The following ATP2B4 variants were observed in gnomAD, a reference collection of about 807,000 sequenced individuals.
ATP2B4 encodes ATPase plasma membrane Ca2+ transporting 4.
A neutral mutation model predicts 110.3 loss-of-function variants in ATP2B4; 39 were observed. The ratio of observed to expected loss-of-function variants is 0.35; its 90% CI spans 0.27 to 0.46. The LOEUF (loss-of-function observed/expected upper bound fraction) is 0.46, where lower values mean the gene tolerates loss of function less well. Among genes scored for constraint, ATP2B4 ranks in the 20% least tolerant of loss-of-function variants. The pLI is 1.00. For synonymous variants in ATP2B4, 538 were observed against 571.7 expected (o/e 0.94, Z 0.84); for missense variants, 1,135 against 1,530.9 (o/e 0.74, Z 4.32).
At chr1:203,699,874 G>T (rs1304809790) in intron 4 of ATP2B4, among the ~76,000 whole-genome samples, 157 bp downstream of exon 4, 5 of 152,196 alleles carry the variant, frequency 3.3e-5, no homozygotes, top group Admixed American at 3.3e-4. Context: ...GTTGTGGGAA[G>T]CCATTTCAGA....
intron 20 of ATP2B4, among the ~76,000 whole-genome samples, chr1:203,731,877 AG>A (rs1571777702): frequency 7.6e-6 from 1 of 131,414 alleles, no homozygotes; most frequent in Non-Finnish European, 1.6e-5. Context: ...AAAAGGAAGG[AG>A]GGAGGAAGGA....
chr1:203,723,667 A>G (rs560183285), intron 18 of ATP2B4, among the ~76,000 whole-genome samples: 1 of 152,156 alleles, frequency 6.6e-6, no homozygotes, highest in East Asian at 1.9e-4. Flanking sequence ...AGTCACAGTA[A>G]CTATGTCTGT....
At position 203,739,631 on chromosome 1, in the gene ATP2B4, C is replaced by A. The variant is rs774001543; in HGVS notation, c.3395C>A (p.Thr1132Asn). ...CAAAAGTCCATCCACAGCTTCATGA[C>A]CCACCCTGAATTCGCCATAGAGGAG... is the stretch of plus-strand genomic sequence containing the variant. ...YNQKSIHSFM[T>N]HPEFAIEEEL... Residue 1132 changes from threonine to asparagine, a missense_variant, in exon 21 of 21, where the codon ACC becomes AAC. Coordinates refer to ENST00000357681, the MANE Select transcript of ATP2B4 (RefSeq NM_001684.5). The A allele has an allele frequency of 4.0e-5, 64 of 1,614,024 alleles. No individual in the cohort carries two copies. Among genetic ancestry groups the A allele is most frequent in the Non-Finnish European group, 5.3e-5 (63 of 1,180,044 alleles).
rs1389918530 is a variant in ATP2B4 at position 203,707,998 on chromosome 1, G to C, written c.1451G>C (p.Gly484Ala). ...RMTVVQAYIG[G>A]IHYRQIPSPD... The stretch of plus-strand genomic sequence containing the variant: ...ACTGTGGTACAAGCTTATATTGGGG[G>C]CATCCATTACCGTCAAATCCCAAGC... Residue 484 changes from glycine to alanine, a missense_variant, in exon 10 of 21, where the codon GGC (glycine) becomes GCC (alanine). Physicochemically the swap from Gly to Ala is moderately conservative, Grantham distance 60. Transcript: ENST00000357681. The C allele has an allele frequency of 1.2e-6, 2 of 1,614,064 alleles. No individual in the cohort carries two copies. Among genetic ancestry groups the C allele is most frequent in the Non-Finnish European group, 1.7e-6 (2 of 1,180,058 alleles).
chr1:203,662,634 T>TG, intron 1 of ATP2B4, among the ~76,000 whole-genome samples: 1 of 152,360 alleles, frequency 6.6e-6, no homozygotes, highest in East Asian at 1.9e-4. Context: ...TGTGGCAGCA[T>TG]GTGTCAGAAC....
rs1299261462 is a variant in ATP2B4, at chr1:203,723,456, CT to C, written c.3025-424del. Among the ~76,000 whole-genome samples, 1,141 of 139,304 alleles carry C rather than the reference CT, an allele frequency of 8.2e-3. 58 individuals carry two copies. The highest frequency in any genetic ancestry group is 0.031 in the African/African-American group (1,098 of 35,314). 91.4% of individuals were successfully genotyped at this position (139,304 alleles called of 152,430 possible). A position where few individuals can be genotyped will look rare whatever the true frequency, so the allele number is the denominator to read the frequency against. On this transcript the variant is annotated intron_variant, in intron 18 of 20. Transcript: ENST00000357681. Reference sequence around the variant, plus strand: ...TCTCTCTCTCTCTCTCTCTCTCTCTCTCTCCCTCTGCCTCTCTCTCTCTCTC... The same window carrying C: ...TCTCTCTCTCTCTCTCTCTCTCTCTCCTCCCTCTGCCTCTCTCTCTCTCTC...
At chr1:203,736,637 G>A (rs531663634) in intron 20 of ATP2B4, among the ~76,000 whole-genome samples, 1 of 152,252 alleles carries the variant, frequency 6.6e-6, no homozygotes, top group Non-Finnish European at 1.5e-5. Flanking sequence ...GGCCCCAAAA[G>A]AGACATTTCC....
At chr1:203,650,261 C>A (rs1346195760) in intron 1 of ATP2B4, among the ~76,000 whole-genome samples, 1 of 152,144 alleles carries the variant, frequency 6.6e-6, no homozygotes, top group African/African-American at 2.4e-5. Context: ...GTCGGCTGAG[C>A]CACTGAAGCC....
intron 2 of ATP2B4, among the ~76,000 whole-genome samples, chr1:203,690,528 T>C (rs16852146): frequency 0.012 from 1,885 of 152,222 alleles, 47 homozygotes; most frequent in African/African-American, 0.043. Flanking sequence ...TGAGTGAAGA[T>C]GGGATGGAAC....
rs556695659 is a variant in ATP2B4, at chr1:203,669,435, G to T, written c.-464-13307G>T. Among the ~76,000 whole-genome samples the T allele has an allele frequency of 7.2e-5, 11 of 152,128 alleles. No homozygotes were observed. The South Asian group carries it at 2.3e-3, about 32-fold the overall frequency. On this transcript the variant is annotated intron_variant, in intron 1 of 20. Transcript: ENST00000357681. ...CCAGGACTTTTTTTGGTTGTTGTTT[G>T]TTCGTTTGTCTGTTTTTTGAGATGG...
chr1:203,684,671 T>C (rs1446392236), intron 2 of ATP2B4, among the ~76,000 whole-genome samples: 2 of 151,874 alleles, frequency 1.3e-5, no homozygotes, highest in Non-Finnish European at 2.9e-5. Flanking sequence ...CCAGCCTCTA[T>C]TTTAAATAAA....
rs1045963054 is a variant in ATP2B4, at chr1:203,714,209, G to A, written c.2338G>A (p.Val780Met). ...DSTVGEHRQV[V>M]AVTGDGTNDG... The stretch of plus-strand genomic sequence containing the variant: ...CACTGTTGGGGAACACCGGCAGGTC[G>A]TGGCTGTCACTGGTGATGGCACAAA... Residue 780 changes from valine to methionine, a missense_variant, in exon 15 of 21, where the codon GTG becomes ATG. Val to Met is a conservative substitution (Grantham distance 21). This residue lies in a region of ATP2B4 where 70 missense variants were observed against 142.4 expected (regional missense o/e 0.49). Transcript: ENST00000357681. The A allele has an allele frequency of 1.4e-5, 22 of 1,614,052 alleles. No homozygotes were observed. Among genetic ancestry groups the A allele is most frequent in the Middle Eastern group, 1.6e-4 (1 of 6,084 alleles).
At chr1:203,703,979 C>T (rs1040127643) in intron 8 of ATP2B4, among the ~76,000 whole-genome samples, 166 bp downstream of exon 8, 2 of 152,082 alleles carry the variant, frequency 1.3e-5, no homozygotes, top group African/African-American at 2.4e-5. Context: ...ACTGTTTGGT[C>T]GCTCCCTAGG....
intron 15 of ATP2B4, among the ~76,000 whole-genome samples, chr1:203,720,305 G>A (rs899620413): frequency 2.6e-5 from 4 of 152,202 alleles, no homozygotes; most frequent in African/African-American, 7.2e-5. Context: ...AGTAGGAGGG[G>A]AGGGTGAAAG....
rs972850669 is a variant in ATP2B4 at position 203,683,048 on chromosome 1, G to T, written c.-158G>T. 5.5e-6 allele frequency: 4 copies of T among 732,108 alleles called. No individual in the cohort carries two copies. The South Asian group carries it at 8.8e-5, about 16-fold the overall frequency. The allele number at this position is 732,108 out of a possible 1,614,324, so 45.4% of individuals were successfully genotyped here. On this transcript the variant is annotated 5_prime_UTR_variant, in exon 2 of 21. Coordinates refer to ENST00000357681, the MANE Select transcript of ATP2B4 (RefSeq NM_001684.5). The stretch of plus-strand genomic sequence containing the variant: ...ATCTAGACTTCGGACGGCTACTCGG[G>T]AGCTTATTGCACAAGATATATTCAA...
At chr1:203,707,409 C>T (rs984465173) in intron 9 of ATP2B4, among the ~76,000 whole-genome samples, 186 bp downstream of exon 9, 2 of 151,974 alleles carry the variant, frequency 1.3e-5, no homozygotes, top group Non-Finnish European at 2.9e-5. Context: ...TTGAAATGAC[C>T]CAGCAGAATC....
intron 20 of ATP2B4, chr1:203,733,169 C>G: frequency 6.6e-7 from 1 of 1,516,104 alleles, no homozygotes; most frequent in Non-Finnish European, 8.9e-7. Flanking sequence ...TCTTTCTTCA[C>G]CTCTCTCGGA....
chr1:203,721,093 C>T, intron 16 of ATP2B4, 104 bp from the exon 17 acceptor site: 1 of 1,222,754 alleles, frequency 8.2e-7, no homozygotes, highest in Non-Finnish European at 1.2e-6. Context: ...TAGGAAGTGG[C>T]CAGATTCCAA....
chr1:203,723,060 T>C (rs1300745601), intron 18 of ATP2B4, among the ~76,000 whole-genome samples: 2 of 152,126 alleles, frequency 1.3e-5, no homozygotes, highest in Non-Finnish European at 2.9e-5. Flanking sequence ...TAGTATAGAC[T>C]CTCCCTGTCC....
Sources: allele counts gnomAD v4.1 joint callset (sites outside exome capture counted in the v4.1 genomes callset), GRCh38; gene constraint gnomAD v4.1.1; regional missense constraint gnomAD v4.1.1; transcripts MANE v1.5; gene names NCBI Gene and HGNC (gene_info 2026-07-23, HGNC 2026-07-21).